Variants in SPTBN1 observed in about 807,000 individuals in gnomAD.
SPTBN1 encodes the protein spectrin beta, non-erythrocytic 1.
Under a neutral mutation model 266.4 loss-of-function variants are expected in SPTBN1, and 32 were observed. The ratio of observed to expected loss-of-function variants is 0.12; its 90% CI spans 0.09 to 0.16. The LOEUF (loss-of-function observed/expected upper bound fraction) is 0.16. SPTBN1 is among the 10% of genes least tolerant of loss of function. The pLI is 1.00. For missense variants in SPTBN1, 2,296 were observed against 3,067.1 expected (o/e 0.75, Z 5.94); for synonymous variants, 1,336 against 1,162.2 (o/e 1.15, Z -3.04).
At chr2:54,615,631 G>A (rs770065575) in intron 4 of SPTBN1, among the ~76,000 whole-genome samples, 10 of 152,180 alleles carry the variant, frequency 6.6e-5, no homozygotes, top group Non-Finnish European at 1.5e-4. Flanking sequence ...TACATGGTAG[G>A]TGATGGAGCC....
intron 2 of SPTBN1, among the ~76,000 whole-genome samples, chr2:54,586,987 G>A (rs116879696): frequency 1.3e-5 from 2 of 152,100 alleles, no homozygotes; most frequent in South Asian, 2.1e-4. Context: ...TAAGGATTCC[G>A]GAAACCTGGA....
At chr2:54,569,405 C>T (rs1044375046) in intron 2 of SPTBN1, among the ~76,000 whole-genome samples, 1 of 152,108 alleles carries the variant, frequency 6.6e-6, no homozygotes, top group South Asian at 2.1e-4. Context: ...GCAGTATTGA[C>T]GCCCTGAAAA....
At chr2:54,531,278 A>T (rs1224233821) in intron 2 of SPTBN1, among the ~76,000 whole-genome samples, 1 of 152,150 alleles carries the variant, frequency 6.6e-6, no homozygotes, top group Non-Finnish European at 1.5e-5. Context: ...CAAGCCCTTT[A>T]TCCTATGGGA....
intron 4 of SPTBN1, among the ~76,000 whole-genome samples, chr2:54,614,008 G>T (rs1677402963): frequency 6.6e-6 from 1 of 152,200 alleles, no homozygotes. Context: ...TTCTCAGCGT[G>T]AATTGCTTTG....
chr2:54,585,038 C>T (rs1675196302), intron 2 of SPTBN1, among the ~76,000 whole-genome samples: 1 of 152,216 alleles, frequency 6.6e-6, no homozygotes. Context: ...TTTAGCAACA[C>T]TGCAAGAGGT....
intron 1 of SPTBN1, among the ~76,000 whole-genome samples, chr2:54,496,869 A>G (rs1408259273): frequency 1.3e-5 from 2 of 152,226 alleles, no homozygotes; most frequent in Non-Finnish European, 2.9e-5. Context: ...AGATAATTGG[A>G]CAAGGTTATA....
intron 34 of SPTBN1, 108 bp from the exon 35 acceptor site, chr2:54,667,496 T>C: frequency 9.5e-7 from 1 of 1,052,728 alleles, no homozygotes; most frequent in African/African-American, 1.6e-5. Context: ...TTGACGCTTC[T>C]GTTGTGACTC....
At chr2:54,519,378 C>T (rs987558269) in intron 1 of SPTBN1, among the ~76,000 whole-genome samples, 3 of 152,124 alleles carry the variant, frequency 2.0e-5, no homozygotes, top group African/African-American at 7.2e-5. Flanking sequence ...GGAGGGAGTG[C>T]ATGTGGGCAC....
intron 2 of SPTBN1, among the ~76,000 whole-genome samples, chr2:54,567,780 TTCTC>T (rs200254025): frequency 1.3e-5 from 2 of 152,186 alleles, no homozygotes; most frequent in African/African-American, 4.8e-5. Context: ...GCATGCTTTA[TTCTC>T]TCTCTATATA....
rs1411853289 is a variant in SPTBN1, at chr2:54,628,434, C to A, written c.1798+184C>A. ...CCATCTTGTTTTTCTGGAATTGATA[C>A]ATCCTTTCCTTAAATACGCAAATGC... On this transcript the variant is annotated intron_variant, in intron 13 of 35. Transcript: ENST00000356805. The surrounding 1 kb of genome is among the most constrained non-coding windows in gnomAD (Gnocchi z 4.3). 6.6e-6 allele frequency among the ~76,000 whole-genome samples: 1 copy of A among 152,158 alleles called. No homozygotes were observed. The highest frequency in any genetic ancestry group is 1.5e-5 in the Non-Finnish European group (1 of 68,038).
rs561635200 is a variant in SPTBN1, at chr2:54,471,515, C to T, written c.-48+14997C>T. 2.5e-4 allele frequency among the ~76,000 whole-genome samples: 37 copies of T among 150,936 alleles called. 1 individual carries two copies. In the South Asian group the frequency reaches 7.5e-3, roughly 31 times the overall value. Reference sequence around the variant, plus strand: ...TCAGTCAGGCATTGTGCAAAGTGACCTGATGGGAATAAATGGCAGGTTGGT... The same window carrying T: ...TCAGTCAGGCATTGTGCAAAGTGACTTGATGGGAATAAATGGCAGGTTGGT... On this transcript the variant is annotated intron_variant, in intron 1 of 35. Coordinates refer to ENST00000356805, the MANE Select transcript of SPTBN1 (RefSeq NM_003128.3).
At chr2:54,573,377 A>G (rs149225627) in intron 2 of SPTBN1, among the ~76,000 whole-genome samples, 4 of 152,294 alleles carry the variant, frequency 2.6e-5, no homozygotes, top group African/African-American at 9.6e-5. Context: ...GATCCTTTGC[A>G]TGCACAGTTC....
intron 1 of SPTBN1, among the ~76,000 whole-genome samples, chr2:54,487,123 T>G (rs1225897192): frequency 6.6e-6 from 1 of 151,182 alleles, no homozygotes; most frequent in Non-Finnish European, 1.5e-5. Context: ...TGTTCATGTA[T>G]AAAATTTGTT....
intron 1 of SPTBN1, among the ~76,000 whole-genome samples, chr2:54,503,527 A>G (rs1669387816): frequency 6.6e-6 from 1 of 152,220 alleles, no homozygotes; most frequent in Non-Finnish European, 1.5e-5. Flanking sequence ...AGAATTTGAA[A>G]GTGTCCAAGG....
At chr2:54,667,125 C>T (rs549994424) in intron 34 of SPTBN1, among the ~76,000 whole-genome samples, 15 of 152,314 alleles carry the variant, frequency 9.8e-5, no homozygotes, top group African/African-American at 3.4e-4. Context: ...AATAGGGCTT[C>T]TTAATTCTGA....
intron 2 of SPTBN1, 63 bp from the exon 3 acceptor site, chr2:54,599,029 A>G: frequency 1.3e-6 from 2 of 1,578,146 alleles, no homozygotes; most frequent in Non-Finnish European, 1.7e-6. Context: ...TGGCCCTGCT[A>G]GCATGTGCCT....
chr2:54,601,686 A>T (rs947897908), intron 3 of SPTBN1, among the ~76,000 whole-genome samples: 1 of 152,212 alleles, frequency 6.6e-6, no homozygotes, highest in African/African-American at 2.4e-5. Context: ...CCAGCATTTT[A>T]GCCCCAGCAC....
chr2:54,643,662 T>G (rs1197354211), intron 19 of SPTBN1, among the ~76,000 whole-genome samples: 1 of 152,136 alleles, frequency 6.6e-6, no homozygotes, highest in Non-Finnish European at 1.5e-5. Flanking sequence ...TTTAGACTTT[T>G]TATAGTGTTT....
At chr2:54,524,033 T>C (rs1670648909) in intron 1 of SPTBN1, among the ~76,000 whole-genome samples, 1 of 151,926 alleles carries the variant, frequency 6.6e-6, no homozygotes, top group Non-Finnish European at 1.5e-5. Context: ...ACCCCGTCTC[T>C]ACCAAAAATA....
Sources: allele counts gnomAD v4.1 joint callset (sites outside exome capture counted in the v4.1 genomes callset), GRCh38; gene constraint gnomAD v4.1.1; non-coding constraint Gnocchi (gnomAD v3.1); transcripts MANE v1.5; gene names NCBI Gene and HGNC (gene_info 2026-07-23, HGNC 2026-07-21).